Variants in BAG4 observed in about 807,000 individuals in gnomAD.
BAG4 encodes the protein BAG cochaperone 4, also known as BAG family molecular chaperone regulator 4.
BAG4 carries 28 observed loss-of-function variants against 52.1 expected under a neutral mutation model. The ratio of observed to expected loss-of-function variants is 0.54; its 90% confidence interval spans 0.40 to 0.74. The LOEUF (loss-of-function observed/expected upper bound fraction) is 0.74. Among genes scored for constraint, BAG4 ranks in the 30% least tolerant of loss-of-function variants. BAG4 has a pLI of 0.00. For synonymous variants in BAG4, 208 were observed against 217.0 expected, an observed-to-expected ratio of 0.96 and a Z score of 0.37; for missense variants, 525 against 572.0, an observed-to-expected ratio of 0.92 and a Z score of 0.84.
intron 2 of BAG4, 37 bp from the exon 3 acceptor site, chr8:38,207,475 A>G (rs1052634869): frequency 1.8e-5 from 29 of 1,594,016 alleles, no homozygotes; most frequent in African/African-American, 2.7e-5. Context: ...CTCTTCTACT[A>G]ATTCATCTTT....
chr8:38,180,410 C>T (rs1296074619), intron 1 of BAG4, among the ~76,000 whole-genome samples: 4 of 150,760 alleles, frequency 2.7e-5, no homozygotes, highest in Non-Finnish European at 5.9e-5. Context: ...GTAATCCCAG[C>T]TACTAGGGGC....
At position 38,212,174 on chromosome 8, in the gene BAG4, G is replaced by A. The variant is rs1288753259; in HGVS notation, c.*1681G>A. The A allele has an allele frequency of 6.6e-6, 1 of 152,102 alleles. No individual in the cohort carries two copies. Among genetic ancestry groups the A allele is most frequent in the Non-Finnish European group, 1.5e-5 (1 of 67,992 alleles). The allele number at this position is 152,102 out of a possible 1,614,324, so 9.4% of individuals were successfully genotyped here. A position where few individuals can be genotyped will look rare whatever the true frequency, so the allele number is the denominator to read the frequency against. Reference sequence around the variant, plus strand: ...AAAAAAGGCTTTTCTATGAAAATTAGAAATTTATACTTGAAATTAAAAGTC... The same window carrying A: ...AAAAAAGGCTTTTCTATGAAAATTAAAAATTTATACTTGAAATTAAAAGTC... On this transcript the variant is annotated 3_prime_UTR_variant, in exon 5 of 5. Transcript: ENST00000287322.
chr8:38,191,535 G>T (rs778051281), intron 1 of BAG4, among the ~76,000 whole-genome samples: 9 of 152,156 alleles, frequency 5.9e-5, no homozygotes, highest in Non-Finnish European at 1.3e-4. Context: ...AAGCCGGGTG[G>T]ATCTCCTGAG....
intron 2 of BAG4, among the ~76,000 whole-genome samples, chr8:38,194,794 C>T (rs1322110275): frequency 6.7e-6 from 1 of 148,628 alleles, no homozygotes; most frequent in African/African-American, 2.5e-5. Flanking sequence ...GTCATATTTG[C>T]ATATTTCCAT....
At chr8:38,192,665 A>G (rs1434822776) in intron 1 of BAG4, 23 bp from the exon 2 acceptor site, 1 of 1,546,674 alleles carries the variant, frequency 6.5e-7, no homozygotes. Flanking sequence ...TTAAGAGTGA[A>G]TTTATTTTTC....
At position 38,209,199 on chromosome 8, in the gene BAG4, A is replaced by G. The variant is rs781732296; in HGVS notation, c.820A>G (p.Ser274Gly). The G allele has an allele frequency of 1.2e-6, 2 of 1,614,166 alleles. No individual in the cohort carries two copies. Among genetic ancestry groups the G allele is most frequent in the Non-Finnish European group, 1.7e-6 (2 of 1,180,024 alleles). ...APPGNLYMTE[S>G]TSPWPSSGSP... is the part of the protein sequence containing the mutation. ...ACCCGGCAATCTCTACATGACTGAA[A>G]GTACTTCACCATGGCCTAGCAGTGG... is the stretch of plus-strand genomic sequence containing the variant. Residue 274 changes from serine (S) to glycine (G), a missense_variant, in exon 4 of 5, where the codon AGT (serine) becomes GGT (glycine). Coordinates refer to ENST00000287322, the MANE Select transcript of BAG4 (RefSeq NM_004874.4).
chr8:38,180,918 G>GA (rs200960525), intron 1 of BAG4, among the ~76,000 whole-genome samples: 4 of 150,860 alleles, frequency 2.7e-5, no homozygotes, highest in Admixed American at 6.6e-5. Flanking sequence ...GTATGGCAGG[G>GA]AAAAAATTAG....
Position 38,179,532 on chromosome 8 carries a change from A to C in BAG4, c.270+2393A>C, listed in dbSNP as rs187030667. 6.2e-3 allele frequency among the ~76,000 whole-genome samples: 938 copies of C among 151,394 alleles called. 6 individuals are homozygous for C. Among genetic ancestry groups the C allele is most frequent in the Admixed American group, 0.018 (274 of 15,194 alleles). The stretch of plus-strand genomic sequence containing the variant: ...TGTAATCCCAGCACTTTGGGAGTCC[A>C]AGGAAGGCGGATCACCTGAGGTCAG... On this transcript the variant is annotated intron_variant, in intron 1 of 4. Coordinates refer to ENST00000287322, the MANE Select transcript of BAG4 (RefSeq NM_004874.4).
intron 1 of BAG4, among the ~76,000 whole-genome samples, chr8:38,186,127 T>C (rs560470515): frequency 6.6e-6 from 1 of 152,202 alleles, no homozygotes; most frequent in Admixed American, 6.5e-5. Flanking sequence ...GAGGCAAAAT[T>C]CTAGGTAATT....
At chr8:38,181,121 T>C (rs927922443) in intron 1 of BAG4, among the ~76,000 whole-genome samples, 1 of 144,712 alleles carries the variant, frequency 6.9e-6, no homozygotes, top group African/African-American at 2.6e-5. Flanking sequence ...TTTTGTATTT[T>C]TAGTAGAGAC....
At chr8:38,186,437 A>G (rs1803367775) in intron 1 of BAG4, among the ~76,000 whole-genome samples, 1 of 152,206 alleles carries the variant, frequency 6.6e-6, no homozygotes, top group Non-Finnish European at 1.5e-5. Flanking sequence ...CTTTTCCTAA[A>G]GGAACAAAGT....
At chr8:38,201,861 TATATATATATATATA>T (rs1803673641) in intron 2 of BAG4, 2 of 9,110 alleles carry the variant, frequency 2.2e-4, no homozygotes, top group African/African-American at 5.6e-4. Context: ...TATATATATA[TATATATATATATATA>T]TATATTTTTT....
intron 1 of BAG4, among the ~76,000 whole-genome samples, chr8:38,177,908 A>G (rs993360914): frequency 6.6e-6 from 1 of 152,162 alleles, no homozygotes; most frequent in Admixed American, 6.5e-5. Context: ...TGTTCGTTCA[A>G]GAATTATCCT....
Position 38,177,156 on chromosome 8 carries a change from C to T in BAG4, c.270+17C>T, listed in dbSNP as rs759104949. The T allele has an allele frequency of 6.2e-7, 1 of 1,609,976 alleles. No individual in the cohort carries two copies. Among genetic ancestry groups the T allele is most frequent in the Admixed American group, 1.7e-5 (1 of 58,726 alleles). On this transcript the variant is annotated intron_variant, in intron 1 of 4. Transcript: ENST00000287322. ...AGCCACCAGGTAAGCTTTGCACCCT[C>T]TGTCCTTGCGGGGAGGTGAGGGCCC...
chr8:38,179,098 A>G (rs1045849690), intron 1 of BAG4, among the ~76,000 whole-genome samples: 2 of 152,252 alleles, frequency 1.3e-5, no homozygotes, highest in Non-Finnish European at 2.9e-5. Flanking sequence ...TAGTATGTTG[A>G]TTATATCACA....
chr8:38,179,149 ATTATTTTTTATTT>A (rs140269368), intron 1 of BAG4, among the ~76,000 whole-genome samples: 1,625 of 152,106 alleles, frequency 0.011, 30 homozygotes, highest in African/African-American at 0.036. Flanking sequence ...GCAGTGATAA[ATTATTTTTTATTT>A]TTATTTTTTA....
rs555873998 is a variant in BAG4 at position 38,176,991 on chromosome 8, C to G, written c.122C>G (p.Pro41Arg). 1.3e-6 allele frequency: 2 copies of G among 1,593,866 alleles called. No individual in the cohort carries two copies. The highest frequency in any genetic ancestry group is 3.5e-5 in the Admixed American group (2 of 56,898). Residue 41 changes from proline (P) to arginine (R), a missense_variant, in exon 1 of 5, where the codon CCT becomes CGT. Physicochemically the swap from Pro to Arg is moderately radical, Grantham distance 103. This residue lies in a region of BAG4 where 287 missense variants were observed against 266.1 expected (regional missense o/e 1.08). Coordinates refer to ENST00000287322, the MANE Select transcript of BAG4 (RefSeq NM_004874.4). ...HPPPPLYPLRPEPPQPPISWR... is the reference protein window; with the variant it reads ...HPPPPLYPLRREPPQPPISWR... The stretch of plus-strand genomic sequence containing the variant: ...CCTCCACCCTTATATCCTCTTCGCC[C>G]TGAACCTCCCCAGCCTCCCATTTCC...
chr8:38,202,066 T>G (rs1016575476), intron 2 of BAG4: 4 of 151,394 alleles, frequency 2.6e-5, no homozygotes, highest in African/African-American at 9.7e-5. Context: ...ACTAATAGTG[T>G]GGACTCTTGA....
chr8:38,178,070 T>G (rs1438810846), intron 1 of BAG4, among the ~76,000 whole-genome samples: 1 of 152,150 alleles, frequency 6.6e-6, no homozygotes, highest in Non-Finnish European at 1.5e-5. Flanking sequence ...CCAAGAAAAC[T>G]GATAACGTAT....
Sources: gnomAD v4.1 joint callset for allele counts (sites outside exome capture counted in the v4.1 genomes callset) on GRCh38, gnomAD v4.1.1 for gene constraint, gnomAD v4.1.1 regional missense constraint, MANE v1.5 for transcripts, NCBI Gene and HGNC (gene_info 2026-07-23, HGNC 2026-07-21) for gene names.